Variants in MMP26 observed in about 807,000 individuals in gnomAD.
MMP26 encodes matrix metallopeptidase 26.
Under a neutral mutation model 31.0 loss-of-function variants are expected in MMP26, and 33 were observed. That is an observed-to-expected ratio of 1.06 (90% CI 0.81 to 1.42). MMP26 has a LOEUF of 1.42. Among genes scored for constraint, MMP26 ranks in the 40% most tolerant of loss-of-function variants. The probability of loss-of-function intolerance (pLI) is 0.00; values close to 1 mark genes in which losing one functional copy is unlikely to be tolerated. For missense variants in MMP26, 347 were observed against 316.1 expected (o/e 1.10, Z -0.74); for synonymous variants, 122 against 114.9 (o/e 1.06, Z -0.40).
intron 2 of MMP26, among the ~76,000 whole-genome samples, chr11:4,933,663 G>A (rs985997641): frequency 4.6e-5 from 7 of 150,992 alleles, no homozygotes; most frequent in South Asian, 2.1e-4. Context: ...GTGCTGGTGC[G>A]CTGCACCCAC....
rs554479689 is a variant in MMP26, at chr11:4,848,416, G to A, written c.-145+81075G>A. The A allele has an allele frequency of 2.5e-6, 4 of 1,614,036 alleles. No individual in the cohort carries two copies. In the South Asian group the frequency reaches 3.3e-5, roughly 13 times the overall value. On this transcript the variant is annotated intron_variant, in intron 2 of 7. Coordinates refer to ENST00000380390, the MANE Select transcript of MMP26 (RefSeq NM_021801.5). ...AGCTCAGGATGGTTAATCAGTGCCAGGAGGATCATAGGGATATAGAAGAGG... is the reference window on the plus strand; with the variant it reads ...AGCTCAGGATGGTTAATCAGTGCCAAGAGGATCATAGGGATATAGAAGAGG...
chr11:4,798,321 A>T (rs1459031523), intron 2 of MMP26, among the ~76,000 whole-genome samples: 2 of 152,180 alleles, frequency 1.3e-5, no homozygotes, highest in African/African-American at 4.8e-5. Context: ...GGATTAGCAG[A>T]CCAAGACTAA....
At chr11:4,743,874 T>G (rs1048881681) in intron 1 of MMP26, among the ~76,000 whole-genome samples, 3 of 152,186 alleles carry the variant, frequency 2.0e-5, no homozygotes, top group African/African-American at 7.2e-5. Flanking sequence ...GGCACGATCA[T>G]AGCTCACTGC....
intron 2 of MMP26, among the ~76,000 whole-genome samples, chr11:4,977,486 AG>A (rs1287031094): frequency 6.6e-6 from 1 of 152,074 alleles, no homozygotes; most frequent in Non-Finnish European, 1.5e-5. Context: ...GGTTCCATTC[AG>A]AAGAAAGAAA....
At position 4,923,573 on chromosome 11, in the gene MMP26, G is replaced by A. The variant is rs752087619; in HGVS notation, c.-144-64495G>A. The A allele has an allele frequency of 1.3e-5, 21 of 1,614,100 alleles. 2 individuals are homozygous for A. The South Asian group carries it at 2.3e-4, about 18-fold the overall frequency. On this transcript the variant is annotated intron_variant, in intron 2 of 7. Coordinates refer to ENST00000380390, the MANE Select transcript of MMP26 (RefSeq NM_021801.5). ...ATGCACAAGAGACAAGCCAATCATG[G>A]GGATGTAGAAGAGCAGTACAGCACA... is the stretch of plus-strand genomic sequence containing the variant.
intron 2 of MMP26, among the ~76,000 whole-genome samples, chr11:4,807,100 G>A (rs1014123930): frequency 2.6e-5 from 4 of 152,086 alleles, no homozygotes; most frequent in African/African-American, 7.2e-5. Context: ...TGGAGACTTA[G>A]CACTATAGAC....
At chr11:4,976,315 T>G (rs545389801) in intron 2 of MMP26, among the ~76,000 whole-genome samples, 75 of 152,194 alleles carry the variant, frequency 4.9e-4, no homozygotes, top group African/African-American at 1.8e-3. Flanking sequence ...AGGATAATGA[T>G]GTTTGTATAA....
intron 2 of MMP26, chr11:4,907,715 C>T: frequency 6.2e-7 from 1 of 1,613,974 alleles, no homozygotes; most frequent in Non-Finnish European, 8.5e-7. Flanking sequence ...CTCAGTACTT[C>T]TAATTATGTC....
intron 1 of MMP26, among the ~76,000 whole-genome samples, chr11:4,759,691 G>A (rs561698307): frequency 1.3e-4 from 20 of 152,298 alleles, no homozygotes; most frequent in Middle Eastern, 6.8e-3. Flanking sequence ...CCTATGATTA[G>A]TGGGAGAGAA....
intron 2 of MMP26, among the ~76,000 whole-genome samples, chr11:4,871,261 G>A (rs1161368789): frequency 6.6e-6 from 1 of 152,048 alleles, no homozygotes; most frequent in African/African-American, 2.4e-5. Context: ...AGGAGACAAT[G>A]GGAAGTATCG....
In MMP26 at chr11:4,951,269, T is replaced by C. The variant is rs541946389; in HGVS notation, c.-144-36799T>C. Among the ~76,000 whole-genome samples the C allele has an allele frequency of 8.4e-4, 104 of 124,360 alleles. 17 individuals carry two copies. The highest frequency in any genetic ancestry group is 2.7e-3 in the African/African-American group (98 of 36,740). The allele number at this position is 124,360 out of a possible 152,430, so 81.6% of individuals were successfully genotyped here. On this transcript the variant is annotated intron_variant, in intron 2 of 7. Coordinates refer to ENST00000380390, the MANE Select transcript of MMP26 (RefSeq NM_021801.5). ...ATGTAAAATTTTCATGACTCCAGAATAAGTGCCATTAGTTCAAATGGCATA... is the reference window on the plus strand; with the variant it reads ...ATGTAAAATTTTCATGACTCCAGAACAAGTGCCATTAGTTCAAATGGCATA...
chr11:4,838,861 T>C (rs1365615607), intron 2 of MMP26, among the ~76,000 whole-genome samples: 3 of 152,144 alleles, frequency 2.0e-5, no homozygotes, highest in Non-Finnish European at 4.4e-5. Flanking sequence ...GGATGAGTCC[T>C]TATAATAACT....
chr11:4,857,910 G>A (rs1384604318), intron 2 of MMP26, among the ~76,000 whole-genome samples: 1 of 152,138 alleles, frequency 6.6e-6, no homozygotes, highest in African/African-American at 2.4e-5. Context: ...GGGATGCAAG[G>A]CTGGTTCGAC....
intron 1 of MMP26, among the ~76,000 whole-genome samples, chr11:4,731,243 G>C (rs1848169527): frequency 6.6e-6 from 1 of 152,090 alleles, no homozygotes; most frequent in African/African-American, 2.4e-5. Flanking sequence ...CTGGCCAGAT[G>C]CACTATTTTC....
rs1009272674 is a variant in MMP26 at position 4,951,175 on chromosome 11, T to A, written c.-144-36893T>A. On this transcript the variant is annotated intron_variant, in intron 2 of 7. Transcript: ENST00000380390. ...GGTATTCTGATTTAATTGACTATGATGTTAACCTGAATATCACAACTTTTG... is the reference window on the plus strand; with the variant it reads ...GGTATTCTGATTTAATTGACTATGAAGTTAACCTGAATATCACAACTTTTG... 7.2e-5 allele frequency among the ~76,000 whole-genome samples: 9 copies of A among 124,630 alleles called. 2 individuals carry two copies. Among genetic ancestry groups the A allele is most frequent in the African/African-American group, 2.4e-4 (9 of 36,762 alleles). The allele number at this position is 124,630 out of a possible 152,430, so 81.8% of individuals were successfully genotyped here.
intron 2 of MMP26, among the ~76,000 whole-genome samples, chr11:4,893,316 T>C (rs1252432350): frequency 1.3e-5 from 2 of 152,178 alleles, no homozygotes; most frequent in Non-Finnish European, 2.9e-5. Flanking sequence ...TATGTTTACA[T>C]TAAAATCTAT....
intron 1 of MMP26, among the ~76,000 whole-genome samples, chr11:4,742,793 C>T (rs151298570): frequency 0.019 from 2,847 of 152,220 alleles, 49 homozygotes; most frequent in Middle Eastern, 0.031. Flanking sequence ...AACTACTTTG[C>T]AAGGTAGTTG....
intron 2 of MMP26, among the ~76,000 whole-genome samples, chr11:4,824,804 A>G (rs751342922): frequency 9.9e-5 from 15 of 152,214 alleles, no homozygotes; most frequent in Middle Eastern, 3.4e-3. Flanking sequence ...GGTATCCTTG[A>G]TATAATATTG....
At chr11:4,943,017 A>T (rs923462192) in intron 2 of MMP26, 1 of 152,594 alleles carries the variant, frequency 6.6e-6, no homozygotes, top group Non-Finnish European at 1.5e-5. Context: ...TATTGTTCTC[A>T]TGTAACTCCT....
Sources: gnomAD v4.1 joint callset for allele counts (sites outside exome capture counted in the v4.1 genomes callset) on GRCh38, gnomAD v4.1.1 for gene constraint, MANE v1.5 for transcripts, NCBI Gene and HGNC (gene_info 2026-07-23, HGNC 2026-07-21) for gene names.